Variants in PRH1 observed in about 807,000 individuals in gnomAD.
The protein encoded by PRH1 is salivary acidic proline-rich phosphoprotein 1/2.
In PRH1, 7 loss-of-function variants were observed where a neutral mutation model predicts 7.9. The ratio of observed to expected loss-of-function variants is 0.89; its 90% CI spans 0.50 to 1.67. PRH1 has a LOEUF of 1.67. PRH1 is among the 40% of genes most tolerant of loss of function. PRH1 has a pLI of 0.00. For synonymous variants in PRH1, 45 were observed against 80.8 expected (o/e 0.56, Z 2.38); for missense variants, 109 against 223.6 (o/e 0.49, Z 3.27).
intron 1 of PRH1, among the ~76,000 whole-genome samples, chr12:10,989,578 C>T (rs538596208): frequency 2.1e-4 from 32 of 152,204 alleles, no homozygotes; most frequent in African/African-American, 7.7e-4. Flanking sequence ...CTATATATGG[C>T]TATTTCTATA....
At chr12:11,032,724 A>G (rs1268946665) in intron 1 of PRH1, among the ~76,000 whole-genome samples, 1 of 152,164 alleles carries the variant, frequency 6.6e-6, no homozygotes, top group Non-Finnish European at 1.5e-5. Context: ...TATTATAAAA[A>G]ATATTTAGCA....
intron 1 of PRH1, among the ~76,000 whole-genome samples, chr12:11,043,263 C>A (rs1384385330): frequency 6.6e-6 from 1 of 152,060 alleles, no homozygotes; most frequent in Non-Finnish European, 1.5e-5. Context: ...ATGATAAAAA[C>A]CCTCAGAAAT....
chr12:11,062,970 G>A (rs111922081), intron 1 of PRH1, among the ~76,000 whole-genome samples: 3 of 151,888 alleles, frequency 2.0e-5, no homozygotes, highest in Admixed American at 6.6e-5. Context: ...CACCACTCAC[G>A]AATGGAACAA....
intron 1 of PRH1, chr12:11,133,229 A>G (rs1592080064): frequency 6.5e-7 from 1 of 1,538,098 alleles, no homozygotes. Context: ...TACATATATT[A>G]CAGAAAACCC....
chr12:10,882,504 CTCCT>C lies in PRH1; in HGVS notation c.291_294del (p.Gly98AlafsTer98). 8.9e-6 allele frequency: 10 copies of C among 1,123,474 alleles called. No homozygotes were observed. The highest frequency in any genetic ancestry group is 3.2e-5 in the Admixed American group (1 of 30,952). 69.6% of individuals were successfully genotyped at this position (1,123,474 alleles called of 1,614,324 possible). ...GGTGGTGGACCTTGTTGCTGCTGGC[CTCCT>C]TGTTGGGGTGGTCCTTGTGGCTTTC... On this transcript the variant is annotated frameshift_variant, in exon 3 of 4. Coordinates refer to ENST00000543626, the MANE Select transcript of PRH1 (RefSeq NM_001393989.1). LOFTEE classifies it low-confidence loss of function (END_TRUNC).
At chr12:10,964,079 T>TA (rs1448276533) in intron 2 of PRH1, among the ~76,000 whole-genome samples, 1 of 152,192 alleles carries the variant, frequency 6.6e-6, no homozygotes, top group Admixed American at 6.5e-5. Context: ...CAATTATAAA[T>TA]AGAGATCATA....
intron 2 of PRH1, among the ~76,000 whole-genome samples, chr12:10,916,277 A>T (rs1949971281): frequency 9.2e-6 from 1 of 108,860 alleles, no homozygotes; most frequent in Non-Finnish European, 2.2e-5. Context: ...GACACATGGG[A>T]ATTACTCGGG....
chr12:11,077,335 C>A, intron 1 of PRH1: 1 of 261,598 alleles, frequency 3.8e-6, no homozygotes, highest in South Asian at 6.1e-5. Flanking sequence ...GGGTTGCTGT[C>A]CTTTCACTAA....
chr12:11,157,103 C>T (rs1467563087), intron 1 of PRH1, among the ~76,000 whole-genome samples: 3 of 151,824 alleles, frequency 2.0e-5, no homozygotes, highest in Non-Finnish European at 4.4e-5. Context: ...GCCGCAGCCT[C>T]CCAAAGTGCT....
intron 1 of PRH1, among the ~76,000 whole-genome samples, chr12:11,058,406 C>T (rs922815539): frequency 3.3e-5 from 5 of 152,238 alleles, no homozygotes; most frequent in Non-Finnish European, 7.3e-5. Flanking sequence ...GTCCCTAGTC[C>T]ACATGTCAAA....
At chr12:10,997,205 T>C (rs201071026) in intron 1 of PRH1, 1 of 1,614,148 alleles carries the variant, frequency 6.2e-7, no homozygotes, top group South Asian at 1.1e-5. Context: ...AGCTTTTATG[T>C]GGATCTTGGT....
intron 1 of PRH1, among the ~76,000 whole-genome samples, chr12:11,036,461 T>C (rs1942437073): frequency 6.6e-6 from 1 of 152,206 alleles, no homozygotes. Flanking sequence ...TCTGGGGTCT[T>C]ACCTCTGTTT....
chr12:10,951,810 A>AT lies in PRH1; in HGVS notation c.-59+21844dup, dbSNP rs1407088403. ...ATGAATATTTGGATATTTTTCTTTC[A>AT]TTTTAACTTATTTTTATTATTTAAT... On this transcript the variant is annotated intron_variant, in intron 2 of 3. Transcript: ENST00000539853. Among the ~76,000 whole-genome samples the AT allele has an allele frequency of 1.4e-4, 21 of 152,246 alleles. No homozygotes were observed. The South Asian group carries it at 3.9e-3, about 29-fold the overall frequency.
chr12:10,996,942 G>C (rs913084468), intron 1 of PRH1: 10 of 1,592,236 alleles, frequency 6.3e-6, no homozygotes, highest in Middle Eastern at 1.7e-4. Flanking sequence ...CACCTCTTGT[G>C]AATCTATGGA....
intron 1 of PRH1, among the ~76,000 whole-genome samples, chr12:11,103,149 T>C (rs1030240172): frequency 1.7e-4 from 26 of 152,248 alleles, no homozygotes; most frequent in African/African-American, 5.8e-4. Context: ...CTCAGGGATA[T>C]AGAACTAGAA....
intron 1 of PRH1, among the ~76,000 whole-genome samples, chr12:10,977,702 C>A (rs1197154339): frequency 6.6e-6 from 1 of 152,118 alleles, no homozygotes; most frequent in Admixed American, 6.5e-5. Flanking sequence ...CAAACAAACT[C>A]AGCAAATTCT....
At chr12:11,036,401 G>A (rs906180514) in intron 1 of PRH1, among the ~76,000 whole-genome samples, 1 of 152,140 alleles carries the variant, frequency 6.6e-6, no homozygotes, top group African/African-American at 2.4e-5. Context: ...TTTGGTTATA[G>A]AACTACAACC....
rs145888183 is a variant in PRH1, at chr12:11,015,773, C to G, written c.-126+31247G>C. On this transcript the variant is annotated intron_variant, in intron 1 of 3. Coordinates refer to the PRH1 transcript ENST00000539853. ...CAGCCTTGAATTCCTGGGTTTGTAA[C>G]AGAGTGCCCCATTTTTTCTAAGAAA... Among the ~76,000 whole-genome samples the G allele has an allele frequency of 3.5e-3, 532 of 152,244 alleles. 1 individual carries two copies. Among genetic ancestry groups the G allele is most frequent in the African/African-American group, 0.012 (496 of 41,534 alleles).
At chr12:11,020,979 G>A (rs1248127695) in intron 1 of PRH1, among the ~76,000 whole-genome samples, 1 of 60,306 alleles carries the variant, frequency 1.7e-5, no homozygotes, top group African/African-American at 4.0e-5. Flanking sequence ...ATGATCATCA[G>A]CATGTTTCTT....
Sources: gnomAD v4.1 joint callset for allele counts (sites outside exome capture counted in the v4.1 genomes callset) on GRCh38, gnomAD v4.1.1 for gene constraint, MANE v1.5 for transcripts, NCBI Gene and HGNC (gene_info 2026-07-23, HGNC 2026-07-21) for gene names.